ARHGEF18: variants seen among roughly 807,000 people sequenced by gnomAD.
ARHGEF18 encodes rho guanine nucleotide exchange factor 18.
In ARHGEF18, 93 loss-of-function variants were observed where a neutral mutation model predicts 155.7. The observed-to-expected ratio is 0.60, with a 90% CI of 0.50 to 0.71. The LOEUF (loss-of-function observed/expected upper bound fraction) is 0.71. Ranked by LOEUF, ARHGEF18 falls within the 30% of genes least tolerant of loss-of-function variation. The pLI is 0.00. For synonymous variants in ARHGEF18, 742 were observed against 753.1 expected (o/e 0.99, Z 0.24); for missense variants, 1,593 against 1,816.1 (o/e 0.88, Z 2.23).
chr19:7,350,369 A>G lies in ARHGEF18; in HGVS notation c.-111+1128A>G, dbSNP rs1969125219. Reference sequence around the variant, plus strand: ...GGCCAGGTCACCTGCAGTTCTGAGAAAAGAACATGACAACCAAAGGAGGTC... The same window carrying G: ...GGCCAGGTCACCTGCAGTTCTGAGAGAAGAACATGACAACCAAAGGAGGTC... On this transcript the variant is annotated intron_variant, in intron 1 of 28. Transcript: ENST00000668164. Among the ~76,000 whole-genome samples the G allele has an allele frequency of 2.0e-5, 3 of 152,260 alleles. No individual in the cohort carries two copies. In the South Asian group the frequency reaches 6.2e-4, roughly 32 times the overall value.
At position 7,379,722 on chromosome 19, in the gene ARHGEF18, T is replaced by G. The variant is rs577644750; in HGVS notation, c.644+556T>G. On this transcript the variant is annotated intron_variant, in intron 7 of 28. Coordinates refer to ENST00000668164, the MANE Select transcript of ARHGEF18 (RefSeq NM_001367823.1). ...GTGCCTCCTGCCTAAGACACTGCCA[T>G]CTGTTACAAAATCTTCCTGTAGCTG... Among the ~76,000 whole-genome samples, 47 of 152,226 alleles carry G rather than the reference T, an allele frequency of 3.1e-4. 2 individuals are homozygous for G. The South Asian group carries it at 9.7e-3, about 32-fold the overall frequency.
chr19:7,376,000 A>G, intron 4 of ARHGEF18, 130 bp downstream of exon 4: 1 of 1,059,232 alleles, frequency 9.4e-7, no homozygotes. Context: ...GAGGCTGCTT[A>G]TCTGTGGTGT....
chr19:7,425,912 A>T (rs1685707018), intron 10 of ARHGEF18, among the ~76,000 whole-genome samples: 2 of 152,042 alleles, frequency 1.3e-5, no homozygotes, highest in African/African-American at 4.8e-5. Flanking sequence ...AGGCAGGAGG[A>T]TTGTTTGAAC....
At position 7,444,292 on chromosome 19, in the gene ARHGEF18, C is replaced by T. The variant is rs2145793969; in HGVS notation, c.1449C>T (p.Phe483=). The T allele has an allele frequency of 6.2e-7, 1 of 1,613,688 alleles. No individual in the cohort carries two copies. Among genetic ancestry groups the T allele is most frequent in the Non-Finnish European group, 8.5e-7 (1 of 1,180,038 alleles). The change falls in exon 14 of 29, where the codon TTC becomes TTT. Residue 483 remains phenylalanine, a synonymous_variant. Coordinates refer to ENST00000668164, the MANE Select transcript of ARHGEF18 (RefSeq NM_001367823.1). The surrounding 1 kb of genome is among the most constrained non-coding windows in gnomAD (Gnocchi z 4.7). ...YSRALQEELQ[F]SSKAIGRLFP... ...GGGCCCTGCAGGAGGAGCTGCAGTT[C>T]AGCAGCAAGGCCATTGGCCGCCTCT...
intron 10 of ARHGEF18, among the ~76,000 whole-genome samples, chr19:7,414,548 C>T (rs942779753): frequency 1.3e-5 from 2 of 151,942 alleles, no homozygotes; most frequent in African/African-American, 4.8e-5. Context: ...CGGTGGTTCA[C>T]GCCTATAATT....
intron 10 of ARHGEF18, chr19:7,439,568 G>T: frequency 7.8e-6 from 4 of 510,332 alleles, no homozygotes; most frequent in Non-Finnish European, 7.7e-6. Context: ...GGTGTAGACA[G>T]CGGTTTGCAG....
At chr19:7,415,124 T>A (rs1011967923) in intron 10 of ARHGEF18, among the ~76,000 whole-genome samples, 3 of 152,164 alleles carry the variant, frequency 2.0e-5, no homozygotes, top group African/African-American at 7.2e-5. Context: ...CCAAGACCGC[T>A]TTCAACAAAG....
intron 20 of ARHGEF18, among the ~76,000 whole-genome samples, chr19:7,460,640 C>T (rs200092305): frequency 8.2e-6 from 1 of 122,220 alleles, no homozygotes; most frequent in African/African-American, 3.2e-5. Context: ...GGAGTCACAC[C>T]GCGCGGCCTT....
chr19:7,400,569 A>G (rs192568238), intron 10 of ARHGEF18, among the ~76,000 whole-genome samples: 2 of 152,274 alleles, frequency 1.3e-5, no homozygotes, highest in Admixed American at 6.5e-5. Flanking sequence ...ACAGCAGCTC[A>G]CACCTGTAAT....
At chr19:7,468,244 C>T (rs1020265296) in intron 26 of ARHGEF18, among the ~76,000 whole-genome samples, 9 of 96,726 alleles carry the variant, frequency 9.3e-5, no homozygotes, top group Non-Finnish European at 1.7e-4. Context: ...GAGTGAGACC[C>T]CGTCTCAAAA....
rs772476353 is a variant in ARHGEF18, at chr19:7,451,280, C to A, written c.1855+14C>A. ...AGAACACGGAAGGTAGGCCTTCTCC[C>A]CACTGCCCCGCCCGCCCGTGCTGCT... is the stretch of plus-strand genomic sequence containing the variant. On this transcript the variant is annotated intron_variant, in intron 16 of 28. Transcript: ENST00000668164. The A allele has an allele frequency of 1.4e-5, 23 of 1,611,300 alleles. No individual in the cohort carries two copies. Among genetic ancestry groups the A allele is most frequent in the Non-Finnish European group, 2.0e-5 (23 of 1,178,204 alleles).
chr19:7,464,248 G>A (rs528732209), intron 22 of ARHGEF18, among the ~76,000 whole-genome samples: 1 of 152,218 alleles, frequency 6.6e-6, no homozygotes, highest in Admixed American at 6.5e-5. Flanking sequence ...ATGTTGGCCA[G>A]GCTGGTCTCG....
chr19:7,439,770 G>A lies in ARHGEF18; in HGVS notation c.968-574G>A, dbSNP rs994854923. The A allele has an allele frequency of 4.3e-6, 6 of 1,405,024 alleles. No homozygotes were observed. The African/African-American group carries it at 8.7e-5, about 20-fold the overall frequency. 87.0% of individuals were successfully genotyped at this position (1,405,024 alleles called of 1,614,324 possible). On this transcript the variant is annotated intron_variant, in intron 10 of 28. Coordinates refer to ENST00000668164, the MANE Select transcript of ARHGEF18 (RefSeq NM_001367823.1). Reference sequence around the variant, plus strand: ...TAATTATCATCATGTGCGAGGTTTTGGCATGAAGCACGCCAGGCTCACCGT... The same window carrying A: ...TAATTATCATCATGTGCGAGGTTTTAGCATGAAGCACGCCAGGCTCACCGT...
At chr19:7,350,767 GGTGTGTGTGTGTGTGTGT>G (rs71177199) in intron 1 of ARHGEF18, among the ~76,000 whole-genome samples, 5 of 19,458 alleles carry the variant, frequency 2.6e-4, no homozygotes, top group African/African-American at 4.6e-4. Context: ...TTTTGGGGTG[GGTGTGTGTGTGTGTGTGT>G]GTGTGTGTGT....
rs376793648 is a variant in ARHGEF18 at position 7,462,572 on chromosome 19, G to C, written c.2635+238G>C. ...TGCAGACATAAAGCACTTTCTCCCC[G>C]TTCAACAACCGCTCTGATGCTCCCT... On this transcript the variant is annotated intron_variant, in intron 21 of 28. Transcript: ENST00000668164. The surrounding 1 kb of genome is among the most constrained non-coding windows in gnomAD (Gnocchi z 4.4). 1.0e-3 allele frequency among the ~76,000 whole-genome samples: 157 copies of C among 152,038 alleles called. No homozygotes were observed. The highest frequency in any genetic ancestry group is 1.8e-3 in the Non-Finnish European group (123 of 68,016).
intron 10 of ARHGEF18, among the ~76,000 whole-genome samples, chr19:7,433,551 G>A (rs3865462): frequency 0.37 from 54,487 of 145,558 alleles, 10,772 homozygotes; most frequent in East Asian, 0.59. Flanking sequence ...GGTTTTCTTG[G>A]ACATCACTTT....
At position 7,444,405 on chromosome 19, in the gene ARHGEF18, G is replaced by C. The variant is rs1159119798; in HGVS notation, c.1562G>C (p.Ser521Thr). ...ERRQESLEEGSDRNYVIQKIG... is the reference protein window; with the variant it reads ...ERRQESLEEGTDRNYVIQKIG... ...CGCCAGGAGTCCCTGGAGGAGGGCA[G>C]TGACCGGAATTATGTCATCCAGAAA... The change falls in exon 14 of 29, where the codon AGT becomes ACT. Residue 521 changes from serine to threonine, a missense_variant. Transcript: ENST00000668164. The surrounding 1 kb of genome is among the most constrained non-coding windows in gnomAD (Gnocchi z 4.7). 1 of 1,613,732 alleles carries C rather than the reference G, an allele frequency of 6.2e-7. No homozygotes were observed. Among genetic ancestry groups the C allele is most frequent in the Admixed American group, 1.7e-5 (1 of 60,020 alleles).
chr19:7,440,143 C>A lies in ARHGEF18; in HGVS notation c.968-201C>A. On this transcript the variant is annotated intron_variant, in intron 10 of 28. Transcript: ENST00000668164. The surrounding 1 kb of genome is among the most constrained non-coding windows in gnomAD (Gnocchi z 5.4). ...TCCAAAAGCGGGGACAGGCACAGCG[C>A]GCTCCCCGGCCGCCCCGAGCTGTCT... 6.4e-7 allele frequency: 1 copy of A among 1,551,250 alleles called. No homozygotes were observed. Among genetic ancestry groups the A allele is most frequent in the Non-Finnish European group, 8.7e-7 (1 of 1,146,936 alleles).
rs1181227960 is a variant in ARHGEF18 at position 7,441,785 on chromosome 19, C to T, written c.1219+20C>T. On this transcript the variant is annotated intron_variant, in intron 12 of 28. Transcript: ENST00000668164. Reference sequence around the variant, plus strand: ...TAGAAGGTATGGTCATCTCCGCTCTCTCGCGGCTGCCACACAGTTCCTGTC... The same window carrying T: ...TAGAAGGTATGGTCATCTCCGCTCTTTCGCGGCTGCCACACAGTTCCTGTC... 3.7e-6 allele frequency: 6 copies of T among 1,613,202 alleles called. No individual in the cohort carries two copies. The highest frequency in any genetic ancestry group is 5.1e-6 in the Non-Finnish European group (6 of 1,179,308).
Sources: allele counts gnomAD v4.1 joint callset (sites outside exome capture counted in the v4.1 genomes callset), GRCh38; gene constraint gnomAD v4.1.1; non-coding constraint Gnocchi (gnomAD v3.1); transcripts MANE v1.5; gene names NCBI Gene and HGNC (gene_info 2026-07-23, HGNC 2026-07-21).